The following AP1AR variants were observed in gnomAD, a reference collection of about 807,000 sequenced individuals.
The protein encoded by AP1AR is AP-1 complex-associated regulatory protein.
Under a neutral mutation model 46.3 loss-of-function variants are expected in AP1AR, and 29 were observed. The observed-to-expected ratio is 0.63, with a 90% CI of 0.47 to 0.85. The LOEUF (loss-of-function observed/expected upper bound fraction) is 0.85, where lower values mean the gene tolerates loss of function less well. Ranked by LOEUF, AP1AR falls within the 40% of genes least tolerant of loss-of-function variation. The pLI is 0.00. For missense variants in AP1AR, 357 were observed against 356.3 expected (o/e 1.00, Z -0.02); for synonymous variants, 122 against 122.9 (o/e 0.99, Z 0.05).
intron 1 of AP1AR, among the ~76,000 whole-genome samples, chr4:112,248,346 T>C (rs925350235): frequency 2.0e-5 from 3 of 152,076 alleles, no homozygotes; most frequent in African/African-American, 7.2e-5. Context: ...TATGGGGAAA[T>C]AGAAATATAG....
intron 2 of AP1AR, 110 bp downstream of exon 2, chr4:112,253,366 TATTTCA>T (rs1029430976): frequency 1.3e-6 from 1 of 750,216 alleles, no homozygotes; most frequent in African/African-American, 1.8e-5. Context: ...GGACTGTTTA[TATTTCA>T]ATATTATTCA....
In AP1AR at chr4:112,272,470, G is replaced by A. The variant is rs1726994151; in HGVS notation, c.*4061G>A. Among the ~76,000 whole-genome samples the A allele has an allele frequency of 1.3e-5, 2 of 152,146 alleles. No homozygotes were observed. Among genetic ancestry groups the A allele is most frequent in the South Asian group, 2.1e-4 (1 of 4,828 alleles). On this transcript the variant is annotated 3_prime_UTR_variant, in exon 10 of 10. Coordinates refer to ENST00000274000, the MANE Select transcript of AP1AR (RefSeq NM_018569.6). ...GGGCTTGGCCGGGAGTGCTAGCCCA[G>A]TAAGGGAAAATTGCCCTAAGAGAGC...
chr4:112,241,732 A>C (rs2110469594), intron 1 of AP1AR, among the ~76,000 whole-genome samples: 1 of 152,344 alleles, frequency 6.6e-6, no homozygotes, highest in South Asian at 2.1e-4. Flanking sequence ...ACCTTATGTC[A>C]CTGCTATCCC....
chr4:112,249,815 A>G (rs1725876518), intron 1 of AP1AR, among the ~76,000 whole-genome samples: 1 of 152,170 alleles, frequency 6.6e-6, no homozygotes, highest in Non-Finnish European at 1.5e-5. Context: ...ATGTGGGGAA[A>G]AGGGAATACT....
At chr4:112,249,760 C>T (rs1453950481) in intron 1 of AP1AR, among the ~76,000 whole-genome samples, 1 of 152,016 alleles carries the variant, frequency 6.6e-6, no homozygotes, top group South Asian at 2.1e-4. Context: ...TGCCAGTCAG[C>T]GTGGCCATTA....
intron 2 of AP1AR, among the ~76,000 whole-genome samples, chr4:112,253,792 TAGAC>T (rs1726065451): frequency 6.6e-6 from 1 of 152,166 alleles, no homozygotes; most frequent in South Asian, 2.1e-4. Flanking sequence ...ATCAGAGGCT[TAGAC>T]AGGTGGAGAA....
At position 112,268,399 on chromosome 4, in the gene AP1AR, A is replaced by C; in HGVS notation, c.899A>C (p.Gln300Pro). The C allele has an allele frequency of 1.3e-6, 2 of 1,592,278 alleles. No homozygotes were observed. The highest frequency in any genetic ancestry group is 1.7e-6 in the Non-Finnish European group (2 of 1,169,038). ...ATAAGGCATTCTGACACAGATCAAC[A>C]GACTCGATAGGGTAAAATTGTGTGA... ...SGIRHSDTDQ[Q>P]TR is the part of the protein sequence containing the mutation. Residue 300 changes from glutamine (Q) to proline (P), a missense_variant, in exon 10 of 10, where the codon CAG becomes CCG. Physicochemically the swap from Gln to Pro is moderately conservative, Grantham distance 76 (BLOSUM62 -1). Coordinates refer to ENST00000274000, the MANE Select transcript of AP1AR (RefSeq NM_018569.6).
At chr4:112,256,365 A>T (rs1726198564) in intron 3 of AP1AR, among the ~76,000 whole-genome samples, 1 of 152,184 alleles carries the variant, frequency 6.6e-6, no homozygotes, top group Middle Eastern at 3.2e-3. Flanking sequence ...TTAAGCAAAC[A>T]CTGGACATGA....
At chr4:112,237,202 G>A (rs1725279617) in intron 1 of AP1AR, among the ~76,000 whole-genome samples, 1 of 152,230 alleles carries the variant, frequency 6.6e-6, no homozygotes, top group East Asian at 1.9e-4. Flanking sequence ...CGCCTCCCAG[G>A]TTCAAGCAAT....
At chr4:112,253,499 G>A (rs1726051292) in intron 2 of AP1AR, among the ~76,000 whole-genome samples, 1 of 152,180 alleles carries the variant, frequency 6.6e-6, no homozygotes, top group South Asian at 2.1e-4. Context: ...ATAAGTCAGG[G>A]AGAAGGTACT....
chr4:112,235,856 T>C (rs1725217624), intron 1 of AP1AR, among the ~76,000 whole-genome samples: 1 of 152,214 alleles, frequency 6.6e-6, no homozygotes, highest in South Asian at 2.1e-4. Context: ...CTTGACTCTT[T>C]ATTCTGTGTG....
intron 4 of AP1AR, among the ~76,000 whole-genome samples, chr4:112,258,335 T>C (rs955972841): frequency 6.6e-6 from 1 of 152,234 alleles, no homozygotes; most frequent in Non-Finnish European, 1.5e-5. Context: ...TTTTTTAGTT[T>C]AGCAAACATT....
intron 3 of AP1AR, among the ~76,000 whole-genome samples, chr4:112,256,579 G>T (rs1176392842): frequency 6.6e-6 from 1 of 152,072 alleles, no homozygotes; most frequent in Non-Finnish European, 1.5e-5. Context: ...CATATTTTGT[G>T]TTTGGTTTAG....
intron 1 of AP1AR, 23 bp downstream of exon 1, chr4:112,232,197 C>G (rs1367230138): frequency 7.9e-7 from 1 of 1,265,480 alleles, no homozygotes; most frequent in African/African-American, 1.5e-5. Flanking sequence ...GGGGAGGGGC[C>G]CGGCCCCCGT....
At chr4:112,236,994 G>A (rs1184478225) in intron 1 of AP1AR, among the ~76,000 whole-genome samples, 2 of 152,200 alleles carry the variant, frequency 1.3e-5, no homozygotes, top group Non-Finnish European at 2.9e-5. Flanking sequence ...ACAAAGCAAT[G>A]TAACCTTAAC....
intron 1 of AP1AR, among the ~76,000 whole-genome samples, chr4:112,244,000 C>T (rs1170964818): frequency 6.6e-6 from 1 of 151,954 alleles, no homozygotes; most frequent in Admixed American, 6.6e-5. Flanking sequence ...AATATTTTGT[C>T]AAAACTTTAT....
intron 3 of AP1AR, among the ~76,000 whole-genome samples, chr4:112,255,670 C>G (rs1002883610): frequency 3.3e-5 from 5 of 152,126 alleles, no homozygotes; most frequent in African/African-American, 9.7e-5. Flanking sequence ...TTTATCTTTT[C>G]TTTATGTTGA....
rs982483420 is a variant in AP1AR at position 112,268,242 on chromosome 4, C to T, written c.742C>T (p.Pro248Ser). ...KYSNKKTGSNPTSASDDSNGL... is the reference protein window; with the variant it reads ...KYSNKKTGSNSTSASDDSNGL... ...TAGCAACAAGAAGACTGGAAGTAAT[C>T]CTACATCAGCCTCTGATGATTCCAA... Residue 248 changes from proline (P) to serine (S), a missense_variant, in exon 10 of 10, where the codon CCT (proline) becomes TCT (serine). Pro to Ser is a moderately conservative substitution (Grantham distance 74, BLOSUM62 -1). Coordinates refer to ENST00000274000, the MANE Select transcript of AP1AR (RefSeq NM_018569.6). 1 of 1,613,008 alleles carries T rather than the reference C, an allele frequency of 6.2e-7. No homozygotes were observed. The highest frequency in any genetic ancestry group is 8.5e-7 in the Non-Finnish European group (1 of 1,179,344).
chr4:112,252,637 A>G (rs1578412511), intron 1 of AP1AR, among the ~76,000 whole-genome samples: 1 of 152,242 alleles, frequency 6.6e-6, no homozygotes, highest in East Asian at 1.9e-4. Flanking sequence ...CTAGTTGGAA[A>G]AAATAATGTA....
Sources: gnomAD v4.1 joint callset for allele counts (sites outside exome capture counted in the v4.1 genomes callset) on GRCh38, gnomAD v4.1.1 for gene constraint, MANE v1.5 for transcripts, NCBI Gene and HGNC (gene_info 2026-07-23, HGNC 2026-07-21) for gene names.